ATM: variants seen among roughly 807,000 people sequenced by gnomAD.
ATM encodes the protein ATM serine/threonine kinase, also known as serine-protein kinase ATM.
A neutral mutation model predicts 387.0 loss-of-function variants in ATM; 308 were observed. The ratio of observed to expected loss-of-function variants is 0.80; its 90% CI spans 0.73 to 0.87. ATM has a LOEUF of 0.87. ATM is among the 40% of genes least tolerant of loss of function. ATM has a pLI of 0.00. For missense variants in ATM, 3,312 were observed against 3,560.9 expected, an observed-to-expected ratio of 0.93 and a Z score of 1.78; for synonymous variants, 1,156 against 1,187.3, an observed-to-expected ratio of 0.97 and a Z score of 0.54.
chr11:108,308,754 T>TA (rs1346418095), intron 38 of ATM: 6 of 428,838 alleles, frequency 1.4e-5, no homozygotes, highest in Non-Finnish European at 2.5e-5. Context: ...ATTAATATCT[T>TA]AAAAAATTAA....
chr11:108,321,388 A>G lies in ATM; in HGVS notation c.6540A>G (p.Gly2180=), dbSNP rs767516615. The change falls in exon 45 of 63, where the codon GGA becomes GGG. Residue 2180 remains glycine (G), a synonymous_variant. Transcript: ENST00000675843. ...CACTTAGCAGGTTGCAGGCCATTGG[A>G]GAGCTGGAAAGCATTGGGGAGCTTT... ...YPTLSRLQAI[G]ELESIGELFS... is the part of the protein sequence containing the mutation. 1.2e-6 allele frequency: 2 copies of G among 1,614,188 alleles called. No individual in the cohort carries two copies. The highest frequency in any genetic ancestry group is 4.5e-5 in the East Asian group (2 of 44,878).
chr11:108,296,933 A>G, intron 32 of ATM: 1 of 317,200 alleles, frequency 3.2e-6, no homozygotes, highest in Non-Finnish European at 6.1e-6. Flanking sequence ...TCTAAACTCT[A>G]AATGTTAGAT....
chr11:108,317,642 TATATATATATAC>T (rs1334137504), intron 43 of ATM, 121 bp downstream of exon 43: 102 of 170,984 alleles, frequency 6.0e-4, no homozygotes, highest in African/African-American at 3.2e-3. Flanking sequence ...TATATATATA[TATATATATATAC>T]ACACACACAC....
At chr11:108,319,904 T>A (rs1329940541) in intron 43 of ATM, 50 bp from the exon 44 acceptor site, 2 of 1,322,430 alleles carry the variant, frequency 1.5e-6, no homozygotes, top group East Asian at 4.6e-5. Context: ...TACATGTATA[T>A]CTTAGGGTTC....
chr11:108,250,141 AATAT>A (rs10612272), intron 9 of ATM, among the ~76,000 whole-genome samples: 82,227 of 146,366 alleles, frequency 0.56, 23,215 homozygotes, highest in Middle Eastern at 0.77. Context: ...AATATTGCTA[AATAT>A]ATATATATAT....
intron 43 of ATM, 71 bp downstream of exon 43, chr11:108,317,592 CTATGAA>C (rs2084804822): frequency 8.2e-7 from 1 of 1,219,066 alleles, no homozygotes; most frequent in Non-Finnish European, 1.1e-6. Context: ...TTTTTCTCTT[CTATGAA>C]TATAACAGGA....
intron 61 of ATM, chr11:108,355,729 G>A (rs1185831224): frequency 1.3e-5 from 2 of 152,194 alleles, no homozygotes; most frequent in Non-Finnish European, 2.9e-5. Flanking sequence ...TCTAGAGATG[G>A]GGCAGGAATA....
At chr11:108,350,818 G>A (rs2089111720) in intron 59 of ATM, among the ~76,000 whole-genome samples, 1 of 152,124 alleles carries the variant, frequency 6.6e-6, no homozygotes, top group Non-Finnish European at 1.5e-5. Flanking sequence ...TTCAGGTCGT[G>A]CTAAAAGCAT....
rs146382972 is a variant in ATM, at chr11:108,235,672, G to A, written c.334G>A (p.Ala112Thr). The A allele has an allele frequency of 1.5e-4, 235 of 1,604,732 alleles. No individual in the cohort carries two copies. The African/African-American group carries it at 2.6e-3, about 18-fold the overall frequency. The change falls in exon 5 of 63, where the codon GCA (alanine) becomes ACA (threonine). Residue 112 changes from alanine (A) to threonine (T), a missense_variant and splice_region_variant. Ala to Thr is a moderately conservative substitution (Grantham distance 58). Around this residue, in one of 4 missense-constraint regions of ATM, gnomAD observed 1,791 missense variants for 1,804.5 expected, o/e 0.99. Coordinates refer to ENST00000675843, the MANE Select transcript of ATM (RefSeq NM_000051.4). The part of the protein sequence containing the change: ...KYFIKCANRR[A>T]PRLKCQELLN... The stretch of plus-strand genomic sequence containing the variant: ...TTTATTTGTTTATTTTGAAATAGGA[G>A]CACCTAGGCTAAAATGTCAAGAACT...
intron 7 of ATM, among the ~76,000 whole-genome samples, chr11:108,245,554 A>G (rs752431478): frequency 2.0e-5 from 3 of 152,146 alleles, no homozygotes; most frequent in African/African-American, 4.8e-5. Context: ...GCCCTAGAGT[A>G]TCACTTGTTA....
intron 56 of ATM, 128 bp from the exon 57 acceptor site, chr11:108,343,094 T>G (rs1407155055): frequency 1.6e-6 from 2 of 1,230,776 alleles, no homozygotes; most frequent in Admixed American, 3.5e-5. Context: ...AGCTTTGTCT[T>G]CTATGGACAG....
intron 16 of ATM, 73 bp from the exon 17 acceptor site, chr11:108,267,098 A>T: frequency 6.8e-7 from 1 of 1,478,972 alleles, no homozygotes; most frequent in Non-Finnish European, 9.3e-7. Context: ...GCCCAGCCTG[A>T]TTAGGTAAAT....
At chr11:108,294,849 A>T (rs2135831163) in intron 31 of ATM, 78 bp from the exon 32 acceptor site, 1 of 1,531,924 alleles carries the variant, frequency 6.5e-7, no homozygotes, top group Non-Finnish European at 9.0e-7. Context: ...GCACTTAACT[A>T]ATTTTTTTCT....
rs2135404277 is a variant in ATM, at chr11:108,257,417, G to C, written c.2251-64G>C. The C allele has an allele frequency of 1.9e-6, 3 of 1,580,174 alleles. No individual in the cohort carries two copies. In the Admixed American group the frequency reaches 5.1e-5, roughly 27 times the overall value. On this transcript the variant is annotated intron_variant, in intron 14 of 62. Transcript: ENST00000675843. ...AGTATGTCCAAGATCAAAGTACACTGTAAAAAGCAATACTAAACTATAATT... is the reference window on the plus strand; with the variant it reads ...AGTATGTCCAAGATCAAAGTACACTCTAAAAAGCAATACTAAACTATAATT...
intron 56 of ATM, 142 bp from the exon 57 acceptor site, chr11:108,343,080 A>G: frequency 1.9e-6 from 2 of 1,079,436 alleles, no homozygotes; most frequent in South Asian, 1.4e-5. Context: ...GGTTTCCTCC[A>G]AGGAGCTTTG....
At chr11:108,244,245 TG>T in intron 6 of ATM, 127 bp downstream of exon 6, 1 of 1,122,610 alleles carries the variant, frequency 8.9e-7, no homozygotes, top group Non-Finnish European at 1.3e-6. Context: ...ACAGAACTAG[TG>T]GATTCCTAAA....
intron 34 of ATM, among the ~76,000 whole-genome samples, 164 bp from the exon 35 acceptor site, chr11:108,301,484 T>G (rs2083426318): frequency 6.6e-6 from 1 of 152,236 alleles, no homozygotes; most frequent in South Asian, 2.1e-4. Flanking sequence ...GAATGACTAG[T>G]GAAAGTCCTT....
intron 26 of ATM, among the ~76,000 whole-genome samples, chr11:108,286,312 CAAAAA>C (rs34917552): frequency 4.2e-5 from 2 of 47,172 alleles, no homozygotes; most frequent in East Asian, 8.8e-4. Context: ...GATTTCGTCT[CAAAAA>C]AAAAAAAAAA....
Position 108,301,689 on chromosome 11 carries a change from T to G in ATM, c.5219T>G (p.Ile1740Ser), listed in dbSNP as rs367585465. 1 of 1,613,780 alleles carries G rather than the reference T, an allele frequency of 6.2e-7. No homozygotes were observed. Among genetic ancestry groups the G allele is most frequent in the Non-Finnish European group, 8.5e-7 (1 of 1,179,798 alleles). ...RSAAVTCLKN[I>S]LATKTGHSFW... ...GCAGCTGTTACCTGTTTGAAAAACA[T>G]TTTAGCCACAAAGACTGGACATAGT... The change falls in exon 35 of 63, where the codon ATT becomes AGT. Residue 1740 changes from isoleucine (I) to serine (S), a missense_variant. By Grantham distance (142) the Ile-to-Ser change is moderately radical (BLOSUM62 -2). This residue lies in a region of ATM where 1,405 missense variants were observed against 1,604.4 expected (regional missense o/e 0.88). Transcript: ENST00000675843.
Sources: allele counts gnomAD v4.1 joint callset (sites outside exome capture counted in the v4.1 genomes callset), GRCh38; gene constraint gnomAD v4.1.1; regional missense constraint gnomAD v4.1.1; transcripts MANE v1.5; gene names NCBI Gene and HGNC (gene_info 2026-07-23, HGNC 2026-07-21).